Variants in ITGA9 observed in about 807,000 individuals in gnomAD.
ITGA9 encodes integrin subunit alpha 9.
Under a neutral mutation model 127.8 loss-of-function variants are expected in ITGA9, and 56 were observed. That is an observed-to-expected ratio of 0.44 (90% CI 0.35 to 0.55). The LOEUF is 0.55. ITGA9 is among the 20% of genes least tolerant of loss of function. ITGA9 has a pLI of 0.00. For missense variants in ITGA9, 1,196 were observed against 1,347.1 expected, an observed-to-expected ratio of 0.89 and a Z score of 1.76; for synonymous variants, 508 against 514.5, an observed-to-expected ratio of 0.99 and a Z score of 0.17.
intron 1 of ITGA9, among the ~76,000 whole-genome samples, chr3:37,461,865 G>A (rs559668497): frequency 1.3e-5 from 2 of 152,292 alleles, no homozygotes; most frequent in South Asian, 4.1e-4. Flanking sequence ...AGGAGCAGAT[G>A]GGAGGCCACC....
At chr3:37,638,743 C>G (rs1050298371) in intron 16 of ITGA9, among the ~76,000 whole-genome samples, 1 of 152,204 alleles carries the variant, frequency 6.6e-6, no homozygotes, top group Non-Finnish European at 1.5e-5. Context: ...TGGATCAAAT[C>G]ATGATGACCT....
intron 23 of ITGA9, among the ~76,000 whole-genome samples, chr3:37,753,073 G>GA (rs994779884): frequency 6.6e-6 from 1 of 151,788 alleles, no homozygotes; most frequent in Non-Finnish European, 1.5e-5. Context: ...CCACAGCACA[G>GA]AAAAAAAAGG....
intron 18 of ITGA9, among the ~76,000 whole-genome samples, chr3:37,689,771 T>A (rs1892800): frequency 0.45 from 67,667 of 152,026 alleles, 15,356 homozygotes; most frequent in South Asian, 0.57. Flanking sequence ...TCATTTTAAT[T>A]TTTTGCCCTG....
intron 27 of ITGA9, among the ~76,000 whole-genome samples, chr3:37,812,382 G>C (rs1229761892): frequency 6.6e-6 from 1 of 152,216 alleles, no homozygotes; most frequent in Non-Finnish European, 1.5e-5. Flanking sequence ...GGAGTGGGTA[G>C]GATCCCCCAA....
intron 17 of ITGA9, among the ~76,000 whole-genome samples, chr3:37,660,709 C>T (rs1311776337): frequency 4.6e-5 from 7 of 152,256 alleles, no homozygotes; most frequent in South Asian, 2.1e-4. Flanking sequence ...CCCCAAAACT[C>T]GATGATATGA....
chr3:37,452,269 G>A lies in ITGA9; in HGVS notation c.-106G>A. 3.6e-6 allele frequency: 2 copies of A among 556,204 alleles called. No homozygotes were observed. Among genetic ancestry groups the A allele is most frequent in the Non-Finnish European group, 4.6e-6 (2 of 437,066 alleles). 34.5% of individuals were successfully genotyped at this position (556,204 alleles called of 1,614,324 possible). A position where few individuals can be genotyped will look rare whatever the true frequency, so the allele number is the denominator to read the frequency against. ...GCCCGCATTCCGCCCGTGTCCAGGC[G>A]CAGAGCTCCCGCCCCGGGGAGCTTC... On this transcript the variant is annotated 5_prime_UTR_variant, in exon 1 of 28. Coordinates refer to ENST00000264741, the MANE Select transcript of ITGA9 (RefSeq NM_002207.3). The surrounding 1 kb of genome is among the most constrained non-coding windows in gnomAD (Gnocchi z 7.3).
At chr3:37,582,442 T>C (rs1699718385) in intron 15 of ITGA9, among the ~76,000 whole-genome samples, 1 of 152,214 alleles carries the variant, frequency 6.6e-6, no homozygotes, top group South Asian at 2.1e-4. Flanking sequence ...GATGGCTAAA[T>C]GTATATGGTA....
At chr3:37,726,531 T>C (rs941551901) in intron 18 of ITGA9, among the ~76,000 whole-genome samples, 1 of 152,254 alleles carries the variant, frequency 6.6e-6, no homozygotes, top group Non-Finnish European at 1.5e-5. Flanking sequence ...AGAGGCTCAC[T>C]AATTTCATTA....
chr3:37,513,780 C>A lies in ITGA9; in HGVS notation c.915C>A (p.Gly305=), dbSNP rs756637316. 2 of 1,614,118 alleles carry A rather than the reference C, an allele frequency of 1.2e-6. No homozygotes were observed. The highest frequency in any genetic ancestry group is 1.7e-6 in the Non-Finnish European group (2 of 1,180,040). Residue 305 remains glycine, a synonymous_variant, in exon 9 of 28, where the codon GGC becomes GGA. Transcript: ENST00000264741. ...ASGKKMGSYF[G]SSLCAVDLNG... The stretch of plus-strand genomic sequence containing the variant: ...GGTTGCAGATGGGCTCTTACTTCGG[C>A]TCCTCCTTGTGCGCAGTTGACCTGA...
intron 15 of ITGA9, among the ~76,000 whole-genome samples, chr3:37,614,401 T>G (rs527301962): frequency 6.6e-6 from 1 of 152,238 alleles, no homozygotes; most frequent in African/African-American, 2.4e-5. Context: ...GGTAGCGTGA[T>G]GCCTCCGGTT....
At chr3:37,689,736 AT>A (rs1700813832) in intron 18 of ITGA9, among the ~76,000 whole-genome samples, 1 of 152,214 alleles carries the variant, frequency 6.6e-6, no homozygotes, top group African/African-American at 2.4e-5. Flanking sequence ...GTACAGCTCT[AT>A]GGCCCTGGAG....
At chr3:37,485,838 A>C (rs1421070815) in intron 4 of ITGA9, among the ~76,000 whole-genome samples, 3 of 152,228 alleles carry the variant, frequency 2.0e-5, no homozygotes, top group Admixed American at 2.0e-4. Context: ...AATTTAGGAC[A>C]TAAACTCATG....
chr3:37,811,234 A>C (rs1697364940), intron 27 of ITGA9, among the ~76,000 whole-genome samples: 1 of 152,178 alleles, frequency 6.6e-6, no homozygotes, highest in African/African-American at 2.4e-5. Context: ...TGAAATATGA[A>C]ATGCTTTTAA....
chr3:37,665,843 C>T (rs963166135), intron 17 of ITGA9, among the ~76,000 whole-genome samples: 3 of 152,098 alleles, frequency 2.0e-5, no homozygotes, highest in South Asian at 4.1e-4. Context: ...GGGTGTCTTC[C>T]GTGGGAGTTA....
intron 18 of ITGA9, among the ~76,000 whole-genome samples, chr3:37,695,718 G>C (rs1365516428): frequency 1.3e-5 from 2 of 152,234 alleles, no homozygotes; most frequent in Admixed American, 1.3e-4. Flanking sequence ...TAGTGAGCCT[G>C]TCCTGCTCTC....
intron 18 of ITGA9, among the ~76,000 whole-genome samples, chr3:37,728,172 A>G (rs1390530855): frequency 6.6e-6 from 1 of 152,166 alleles, no homozygotes; most frequent in African/African-American, 2.4e-5. Flanking sequence ...GTAGGCAATG[A>G]TTGGAACTTG....
intron 15 of ITGA9, among the ~76,000 whole-genome samples, chr3:37,583,746 G>A (rs550621476): frequency 6.6e-6 from 1 of 152,166 alleles, no homozygotes; most frequent in Non-Finnish European, 1.5e-5. Context: ...ATTTTGTTGT[G>A]AGCATTATTG....
At position 37,494,386 on chromosome 3, in the gene ITGA9, G is replaced by A. The variant is rs1579063279; in HGVS notation, c.545-115G>A. 4 of 759,280 alleles carry A rather than the reference G, an allele frequency of 5.3e-6. No individual in the cohort carries two copies. In the East Asian group the frequency reaches 1.1e-4, roughly 20 times the overall value. 47.0% of individuals were successfully genotyped at this position (759,280 alleles called of 1,614,324 possible). The stretch of plus-strand genomic sequence containing the variant: ...ACCCCAGTCTGGATGGCATCCCTGG[G>A]CCCAGCCTGCCGCGGCACTCGTGGG... On this transcript the variant is annotated intron_variant, in intron 4 of 27. Coordinates refer to ENST00000264741, the MANE Select transcript of ITGA9 (RefSeq NM_002207.3).
At chr3:37,796,147 C>T (rs1697170953) in intron 26 of ITGA9, among the ~76,000 whole-genome samples, 1 of 152,182 alleles carries the variant, frequency 6.6e-6, no homozygotes, top group South Asian at 2.1e-4. Flanking sequence ...GGGGTTTGCA[C>T]ATCATGTTCC....
Sources: gnomAD v4.1 joint callset for allele counts (sites outside exome capture counted in the v4.1 genomes callset) on GRCh38, gnomAD v4.1.1 for gene constraint, Gnocchi (gnomAD v3.1) non-coding constraint, MANE v1.5 for transcripts, NCBI Gene and HGNC (gene_info 2026-07-23, HGNC 2026-07-21) for gene names.